The following SRSF2 variants were observed in gnomAD, a reference collection of about 807,000 sequenced individuals.
SRSF2 encodes the protein serine and arginine rich splicing factor 2, also known as serine/arginine-rich splicing factor 2.
Under a neutral mutation model 15.7 loss-of-function variants are expected in SRSF2, and 4 were observed. The ratio of observed to expected loss-of-function variants is 0.26; its 90% CI spans 0.13 to 0.58. The LOEUF (loss-of-function observed/expected upper bound fraction) is 0.58, where lower values mean the gene tolerates loss of function less well. Among genes scored for constraint, SRSF2 ranks in the 20% least tolerant of loss-of-function variants. The pLI is 0.90. For synonymous variants in SRSF2, 192 were observed against 138.9 expected, an observed-to-expected ratio of 1.38 and a Z score of -2.69; for missense variants, 147 against 332.4, an observed-to-expected ratio of 0.44 and a Z score of 4.34.
At position 76,736,451 on chromosome 17, in the gene SRSF2, G is replaced by A; in HGVS notation, c.376C>T (p.Arg126Cys). 6.2e-7 allele frequency: 1 copy of A among 1,612,044 alleles called. No homozygotes were observed. The highest frequency in any genetic ancestry group is 8.5e-7 in the Non-Finnish European group (1 of 1,179,898). ...GRRSRSPRRRRRSRSRSRSRS... is the reference protein window; with the variant it reads ...GRRSRSPRRRCRSRSRSRSRS... ...CTCCGACTCCGGGATCGGCTGCGGC[G>A]ACGCCGCCTAGGGCTGCGGGCGGGA... The change falls in exon 2 of 3, where the codon CGC becomes TGC. Residue 126 changes from arginine to cysteine, a missense_variant. By Grantham distance (180) the Arg-to-Cys change is radical. Around this residue, in one of 2 missense-constraint regions of SRSF2, gnomAD observed 125 missense variants for 185.1 expected, o/e 0.68. Transcript: ENST00000359995.
rs760991597 is a variant in SRSF2 at position 76,737,149 on chromosome 17, G to T, written c.12C>A (p.Gly4=). The T allele has an allele frequency of 1.3e-6, 2 of 1,584,954 alleles. No individual in the cohort carries two copies. Among genetic ancestry groups the T allele is most frequent in the African/African-American group, 2.7e-5 (2 of 74,310 alleles). The change falls in exon 1 of 3, where the codon GGC becomes GGA. Residue 4 remains glycine (G), a synonymous_variant. Coordinates refer to ENST00000359995, the MANE Select transcript of SRSF2 (RefSeq NM_001195427.2). ...TACCCTCCACATCGGGAGGGGGGCG[G>T]CCGTAGCTCATAGCTCTGAGTGGCG... MSY[G]RPPPDVEGMT...
rs1428366538 is a variant in SRSF2, at chr17:76,736,215, C to A, written c.612G>T (p.Ser204=). 6.2e-7 allele frequency: 1 copy of A among 1,614,066 alleles called. No homozygotes were observed. Among genetic ancestry groups the A allele is most frequent in the Non-Finnish European group, 8.5e-7 (1 of 1,179,976 alleles). The change falls in exon 2 of 3, where the codon TCG becomes TCT. Residue 204 remains serine (S), a synonymous_variant. Transcript: ENST00000359995. ...GAGACTTGGGGGGACTCTTCGATCGCGACCTGGATTTGGATTCCCTCTTGG... is the reference window on the plus strand; with the variant it reads ...GAGACTTGGGGGGACTCTTCGATCGAGACCTGGATTTGGATTCCCTCTTGG... ...PVSKRESKSR[S]RSKSPPKSPE...
At chr17:76,736,059 A>G in intron 2 of SRSF2, 95 bp downstream of exon 2, 1 of 1,225,924 alleles carries the variant, frequency 8.2e-7, no homozygotes, top group East Asian at 2.3e-5. Context: ...ACTCCTAATG[A>G]TAGGAGTCAT....
Position 76,734,529 on chromosome 17 carries a change from T to C in SRSF2, c.*637A>G. ...CACTGCAACACGCCACCTTAACAGC[T>C]AACCAGCATTACTCAACTGCTACAC... On this transcript the variant is annotated 3_prime_UTR_variant, in exon 3 of 3. Transcript: ENST00000359995. 4.3e-6 allele frequency: 1 copy of C among 234,216 alleles called. No individual in the cohort carries two copies. The allele number at this position is 234,216 out of a possible 1,614,324, so 14.5% of individuals were successfully genotyped here.
chr17:76,736,912 G>C lies in SRSF2; in HGVS notation c.249C>G (p.Arg83=). 6.2e-7 allele frequency: 1 copy of C among 1,612,756 alleles called. No individual in the cohort carries two copies. Among genetic ancestry groups the C allele is most frequent in the Non-Finnish European group, 8.5e-7 (1 of 1,179,782 alleles). ...AGCGCGCCATTTGCACCCGCAGCTC[G>C]CGGCCGTCCAGCACGGCCCCGTCCA... ...DAMDGAVLDG[R]ELRVQMARYG... is the part of the protein sequence containing the mutation. Residue 83 remains arginine, a synonymous_variant, in exon 1 of 3, where the codon CGC becomes CGG. Transcript: ENST00000359995.
At chr17:76,736,063 G>T in intron 2 of SRSF2, 91 bp downstream of exon 2, 1 of 1,285,570 alleles carries the variant, frequency 7.8e-7, no homozygotes, top group East Asian at 2.3e-5. Flanking sequence ...CTAATGATAG[G>T]AGTCATTCTT....
Position 76,735,168 on chromosome 17 carries a change from A to G in SRSF2, c.*8-10T>C, listed in dbSNP as rs993064744. The G allele has an allele frequency of 4.6e-6, 1 of 219,662 alleles. No individual in the cohort carries two copies. The highest frequency in any genetic ancestry group is 9.1e-6 in the Non-Finnish European group (1 of 109,352). The allele number at this position is 219,662 out of a possible 1,614,324, so 13.6% of individuals were successfully genotyped here. A position where few individuals can be genotyped will look rare whatever the true frequency, so the allele number is the denominator to read the frequency against. On this transcript the variant is annotated splice_polypyrimidine_tract_variant and intron_variant, in intron 2 of 2. Transcript: ENST00000359995. ...CTGCTTGCCGATACATCTAGGTTTG[A>G]AAAGAAAGAAGTTCAGCTTACCTTC...
Position 76,734,275 on chromosome 17 carries a change from G to A in SRSF2, c.*891C>T, listed in dbSNP as rs771433469. 2 of 226,846 alleles carry A rather than the reference G, an allele frequency of 8.8e-6. No individual in the cohort carries two copies. Among genetic ancestry groups the A allele is most frequent in the Non-Finnish European group, 1.8e-5 (2 of 113,084 alleles). 14.1% of individuals were successfully genotyped at this position (226,846 alleles called of 1,614,324 possible). A position where few individuals can be genotyped will look rare whatever the true frequency, so the allele number is the denominator to read the frequency against. On this transcript the variant is annotated 3_prime_UTR_variant, in exon 3 of 3. Coordinates refer to ENST00000359995, the MANE Select transcript of SRSF2 (RefSeq NM_001195427.2). ...CATTTTCCATGTTAAGTTCATACAT[G>A]TAGATATGATCAGATTTACCATTTT...
Position 76,737,268 on chromosome 17 carries a change from G to A in SRSF2, c.-108C>T, listed in dbSNP as rs539068654. The A allele has an allele frequency of 4.3e-5, 61 of 1,407,930 alleles. No individual in the cohort carries two copies. The highest frequency in any genetic ancestry group is 2.5e-4 in the South Asian group (17 of 68,666). The allele number at this position is 1,407,930 out of a possible 1,614,324, so 87.2% of individuals were successfully genotyped here. A position where few individuals can be genotyped will look rare whatever the true frequency, so the allele number is the denominator to read the frequency against. ...AGTTGCCTTCCGCGTGGGGACACTGGGAAAGGCCTTGCCGCAGAACAGCAC... is the reference window on the plus strand; with the variant it reads ...AGTTGCCTTCCGCGTGGGGACACTGAGAAAGGCCTTGCCGCAGAACAGCAC... On this transcript the variant is annotated 5_prime_UTR_variant, in exon 1 of 3. Transcript: ENST00000359995.
At chr17:76,736,669 C>A in intron 1 of SRSF2, 130 bp downstream of exon 1, 2 of 1,222,116 alleles carry the variant, frequency 1.6e-6, no homozygotes, top group South Asian at 2.3e-5. Context: ...GCCGGAGGGT[C>A]GCGAGACGCG....
Position 76,735,104 on chromosome 17 carries a change from G to T in SRSF2, c.*62C>A, listed in dbSNP as rs994279575. ...CTTGTTCCAAGGACTCTTCTTCGAT[G>T]GACTATGTGGTCCTTTTTCCCCAAG... On this transcript the variant is annotated 3_prime_UTR_variant, in exon 3 of 3. Transcript: ENST00000359995. The T allele has an allele frequency of 5.5e-5, 12 of 219,290 alleles. No homozygotes were observed. The East Asian group carries it at 8.0e-4, about 15-fold the overall frequency. 13.6% of individuals were successfully genotyped at this position (219,290 alleles called of 1,614,324 possible). A position where few individuals can be genotyped will look rare whatever the true frequency, so the allele number is the denominator to read the frequency against.
At chr17:76,735,322 T>C (rs2077405884) in intron 2 of SRSF2, 164 bp from the exon 3 acceptor site, 1 of 210,090 alleles carries the variant, frequency 4.8e-6, no homozygotes, top group Non-Finnish European at 9.6e-6. Context: ...TCACAAAGGC[T>C]ACCATCAGCA....
In SRSF2 at chr17:76,737,247, G is replaced by T; in HGVS notation, c.-87C>A. ...GCGACGCCGCGCCTCTCAGGCAGTT[G>T]CCTTCCGCGTGGGGACACTGGGAAA... On this transcript the variant is annotated 5_prime_UTR_variant, in exon 1 of 3. Coordinates refer to ENST00000359995, the MANE Select transcript of SRSF2 (RefSeq NM_001195427.2). 6.9e-7 allele frequency: 1 copy of T among 1,450,638 alleles called. No homozygotes were observed. The highest frequency in any genetic ancestry group is 9.1e-7 in the Non-Finnish European group (1 of 1,095,704). The allele number at this position is 1,450,638 out of a possible 1,614,324, so 89.9% of individuals were successfully genotyped here.
In SRSF2 at chr17:76,737,041, G is replaced by C. The variant is rs1221877876; in HGVS notation, c.120C>G (p.Val40=). The change falls in exon 1 of 3, where the codon GTC becomes GTG. Residue 40 remains valine (V), a synonymous_variant. Transcript: ENST00000359995. ...LRRVFEKYGR[V]GDVYIPRDRY... ...GGTCCCGCGGGATGTACACGTCGCC[G>C]ACGCGCCCGTACTTCTCGAAGACGC... 6.2e-7 allele frequency: 1 copy of C among 1,613,368 alleles called. No homozygotes were observed. The highest frequency in any genetic ancestry group is 2.2e-5 in the East Asian group (1 of 44,874).
chr17:76,734,808 G>C lies in SRSF2; in HGVS notation c.*358C>G, dbSNP rs980228768. On this transcript the variant is annotated 3_prime_UTR_variant, in exon 3 of 3. Transcript: ENST00000359995. The stretch of plus-strand genomic sequence containing the variant: ...TAGGCTGTGTGTAATGGCTGCACAC[G>C]TTTTCCTTAAAAGTCAGGAGGCCAC... The C allele has an allele frequency of 4.2e-6, 1 of 238,818 alleles. No individual in the cohort carries two copies. The highest frequency in any genetic ancestry group is 2.2e-5 in the African/African-American group (1 of 44,786). The allele number at this position is 238,818 out of a possible 1,614,324, so 14.8% of individuals were successfully genotyped here.
At chr17:76,735,686 G>A (rs986056946) in intron 2 of SRSF2, 1 of 255,062 alleles carries the variant, frequency 3.9e-6, no homozygotes, top group Non-Finnish European at 7.8e-6. Flanking sequence ...ACATCCATTA[G>A]AATATGAAGT....
At chr17:76,735,552 T>TA (rs2077421857) in intron 2 of SRSF2, 1 of 230,890 alleles carries the variant, frequency 4.3e-6, no homozygotes, top group Non-Finnish European at 8.6e-6. Context: ...CTTTCCTTTT[T>TA]AAAAAATAGG....
Position 76,736,136 on chromosome 17 carries a change from CG to C in SRSF2, c.*7+17del. ...ATTTATGAATTAGGGTTATGTGTCT[CG>C]GATTCCCAGACATTACCATTTTCTT... is the stretch of plus-strand genomic sequence containing the variant. On this transcript the variant is annotated intron_variant, in intron 2 of 2. Coordinates refer to ENST00000359995, the MANE Select transcript of SRSF2 (RefSeq NM_001195427.2). The C allele has an allele frequency of 1.3e-6, 2 of 1,569,878 alleles. No individual in the cohort carries two copies. The highest frequency in any genetic ancestry group is 2.3e-5 in the South Asian group (2 of 85,490).
chr17:76,736,413 A>G lies in SRSF2; in HGVS notation c.414T>C (p.Ser138=), dbSNP rs1315214358. 3 of 1,613,722 alleles carry G rather than the reference A, an allele frequency of 1.9e-6. No individual in the cohort carries two copies. Among genetic ancestry groups the G allele is most frequent in the African/African-American group, 2.7e-5 (2 of 74,928 alleles). The change falls in exon 2 of 3, where the codon TCT becomes TCC. Residue 138 remains serine (S), a synonymous_variant. Transcript: ENST00000359995. ...AGCGGCTGTAGCGAGATCGGCTGCG[A>G]GACCTGGAACGACTCCGACTCCGGG... ...SRSRSRSRSR[S]RSRSRYSRSK... is the part of the protein sequence containing the mutation.
Sources: gnomAD v4.1 joint callset for allele counts on GRCh38, gnomAD v4.1.1 for gene constraint, gnomAD v4.1.1 regional missense constraint, MANE v1.5 for transcripts, NCBI Gene and HGNC (gene_info 2026-07-23, HGNC 2026-07-21) for gene names.